The following N4BP2L2 variants were observed in gnomAD, a reference collection of about 807,000 sequenced individuals.
N4BP2L2 encodes NEDD4-binding protein 2-like 2.
N4BP2L2 carries 50 observed loss-of-function variants against 56.2 expected under a neutral mutation model. The observed-to-expected ratio is 0.89, with a 90% CI of 0.71 to 1.13. The LOEUF is 1.13. Among genes scored for constraint, N4BP2L2 ranks in the 50% most tolerant of loss-of-function variants. The pLI, the probability that N4BP2L2 is intolerant of heterozygous loss-of-function variation, is 0.00. For missense variants in N4BP2L2, 689 were observed against 693.8 expected (o/e 0.99, Z 0.08); for synonymous variants, 203 against 223.6 (o/e 0.91, Z 0.82).
chr13:32,466,624 TA>T (rs1478727027), intron 6 of N4BP2L2, among the ~76,000 whole-genome samples: 1 of 152,146 alleles, frequency 6.6e-6, no homozygotes, highest in Non-Finnish European at 1.5e-5. Flanking sequence ...CTGGCAAGCC[TA>T]AACCCTATAT....
At chr13:32,504,576 T>C (rs912575893) in intron 6 of N4BP2L2, 3 of 152,216 alleles carry the variant, frequency 2.0e-5, no homozygotes, top group Admixed American at 6.5e-5. Flanking sequence ...CTTTAACTTA[T>C]ATACATTTGG....
chr13:32,538,117 A>G (rs1272253216), intron 1 of N4BP2L2, among the ~76,000 whole-genome samples: 2 of 151,808 alleles, frequency 1.3e-5, no homozygotes, highest in Non-Finnish European at 2.9e-5. Flanking sequence ...AGGGACCTCA[A>G]AGTACAGCCC....
chr13:32,440,563 T>C (rs1301888226), intron 7 of N4BP2L2, among the ~76,000 whole-genome samples: 1 of 151,624 alleles, frequency 6.6e-6, no homozygotes, highest in East Asian at 2.0e-4. Flanking sequence ...GCCTCCCAGG[T>C]TCAAGCAATT....
chr13:32,516,929 A>G (rs994989862), exon 6 of N4BP2L2: 12 of 983,716 alleles, frequency 1.2e-5, no homozygotes, highest in African/African-American at 1.7e-5. Flanking sequence ...ATATGAAGAA[A>G]CACATCTAAA....
chr13:32,436,785 CAAAA>C (rs1174354861), intron 8 of N4BP2L2, among the ~76,000 whole-genome samples: 8 of 44,992 alleles, frequency 1.8e-4, no homozygotes, highest in South Asian at 2.3e-3. Flanking sequence ...GTGTGACTGT[CAAAA>C]AAAAAAAAAA....
intron 6 of N4BP2L2, among the ~76,000 whole-genome samples, chr13:32,500,569 A>AAAAAAAT (rs1555265131): frequency 1.5e-5 from 2 of 134,622 alleles, no homozygotes; most frequent in Non-Finnish European, 3.2e-5. Flanking sequence ...AAAAAAAAAA[A>AAAAAAAT]TAGCCAGGCA....
chr13:32,446,286 G>T, intron 6 of N4BP2L2: 1 of 1,031,232 alleles, frequency 9.7e-7, no homozygotes, highest in East Asian at 5.3e-5. Flanking sequence ...AGTTGTGATG[G>T]GGCCTCTATA....
In N4BP2L2 at chr13:32,535,829, AATTT is replaced by A; in HGVS notation, c.1195_1198del (p.Lys399CysfsTer8). 6.2e-7 allele frequency: 1 copy of A among 1,614,138 alleles called. No individual in the cohort carries two copies. Among genetic ancestry groups the A allele is most frequent in the Non-Finnish European group, 8.5e-7 (1 of 1,180,016 alleles). On this transcript the variant is annotated frameshift_variant, in exon 2 of 6. Transcript: ENST00000267068. LOFTEE classifies it high-confidence loss of function. ...TCTTAAAAGAATAAGTAACTTCTGC[AATTT>A]ATTTAACTTTTCCTCTTGAAACTGC... is the stretch of plus-strand genomic sequence containing the variant.
At chr13:32,511,871 AAAAC>A (rs1194997318) in exon 6 of N4BP2L2, 2 of 152,146 alleles carry the variant, frequency 1.3e-5, no homozygotes, top group East Asian at 3.8e-4. Context: ...AAAAAAAAGG[AAAAC>A]AAAGAACCCA....
chr13:32,498,987 TAAAAAA>T (rs34972549), intron 6 of N4BP2L2, among the ~76,000 whole-genome samples: 1 of 87,134 alleles, frequency 1.1e-5, no homozygotes, highest in Non-Finnish European at 2.3e-5. Flanking sequence ...AGACTCTGTC[TAAAAAA>T]AAAAAAAAAA....
chr13:32,527,951 T>C (rs2053563829), intron 2 of N4BP2L2, among the ~76,000 whole-genome samples: 1 of 152,128 alleles, frequency 6.6e-6, no homozygotes, highest in Non-Finnish European at 1.5e-5. Flanking sequence ...TTTGCATTTT[T>C]AGTACAGACA....
chr13:32,453,000 T>C (rs1228185001), intron 6 of N4BP2L2, among the ~76,000 whole-genome samples: 6 of 152,214 alleles, frequency 3.9e-5, no homozygotes, highest in African/African-American at 1.4e-4. Flanking sequence ...GGCTCACATC[T>C]GTAATCCCAG....
At chr13:32,437,574 G>A (rs926819125) in intron 8 of N4BP2L2, among the ~76,000 whole-genome samples, 1 of 152,194 alleles carries the variant, frequency 6.6e-6, no homozygotes, top group African/African-American at 2.4e-5. Flanking sequence ...AACCTTCCAA[G>A]CCAGTCCTCC....
At chr13:32,521,664 C>T (rs1018010251) in intron 4 of N4BP2L2, 3 of 456,202 alleles carry the variant, frequency 6.6e-6, no homozygotes, top group African/African-American at 6.2e-5. Flanking sequence ...CTTAAGATTA[C>T]TATCCTTAAG....
intron 6 of N4BP2L2, among the ~76,000 whole-genome samples, chr13:32,484,299 G>C (rs1003638248): frequency 2.0e-5 from 3 of 152,082 alleles, no homozygotes; most frequent in African/African-American, 7.2e-5. Flanking sequence ...TGCACTGCAG[G>C]CTGGGTGACA....
intron 2 of N4BP2L2, among the ~76,000 whole-genome samples, chr13:32,531,299 G>A (rs2054715278): frequency 6.6e-6 from 1 of 152,178 alleles, no homozygotes; most frequent in Non-Finnish European, 1.5e-5. Context: ...CTGTTATACA[G>A]CCTTGAGTAA....
Position 32,436,860 on chromosome 13 carries a change from CTATCTATT to C in N4BP2L2, c.2191-463_2191-456del, listed in dbSNP as rs1490133986. On this transcript the variant is annotated intron_variant, in intron 8 of 9. Transcript: ENST00000357505. The stretch of plus-strand genomic sequence containing the variant: ...GAAAACACCTATAAATATCTAATAT[CTATCTATT>C]TATTTATTTATTTATTTATTTATTT... Among the ~76,000 whole-genome samples the C allele has an allele frequency of 7.2e-3, 945 of 131,636 alleles. 7 individuals carry two copies. Among genetic ancestry groups the C allele is most frequent in the Non-Finnish European group, 0.011 (676 of 63,810 alleles). The allele number at this position is 131,636 out of a possible 152,430, so 86.4% of individuals were successfully genotyped here. A position where few individuals can be genotyped will look rare whatever the true frequency, so the allele number is the denominator to read the frequency against.
chr13:32,515,573 TCTAA>T (rs768214768), exon 6 of N4BP2L2: 39 of 152,276 alleles, frequency 2.6e-4, no homozygotes, highest in Admixed American at 4.6e-4. Flanking sequence ...ACGAATGATC[TCTAA>T]CTGATTATTA....
At chr13:32,494,608 AC>A (rs1278472412) in intron 6 of N4BP2L2, among the ~76,000 whole-genome samples, 1 of 150,918 alleles carries the variant, frequency 6.6e-6, no homozygotes, top group African/African-American at 2.4e-5. Context: ...CTAAAAACAC[AC>A]AAAAAAATTA....
Sources: allele counts gnomAD v4.1 joint callset (sites outside exome capture counted in the v4.1 genomes callset), GRCh38; gene constraint gnomAD v4.1.1; transcripts MANE v1.5; gene names NCBI Gene and HGNC (gene_info 2026-07-23, HGNC 2026-07-21).